The following MAGI2 variants were observed in gnomAD, a reference collection of about 807,000 sequenced individuals.
MAGI2 encodes membrane associated guanylate kinase, WW and PDZ domain containing 2, also known as membrane-associated guanylate kinase, WW and PDZ domain-containing protein 2.
A neutral mutation model predicts 133.3 loss-of-function variants in MAGI2; 35 were observed. The observed-to-expected ratio is 0.26, with a 90% CI of 0.20 to 0.35. MAGI2 has a LOEUF of 0.35. Among genes scored for constraint, MAGI2 ranks in the 10% least tolerant of loss-of-function variants. The pLI, the probability that MAGI2 is intolerant of heterozygous loss-of-function variation, is 1.00. For missense variants in MAGI2, 1,636 were observed against 1,863.4 expected (o/e 0.88, Z 2.25); for synonymous variants, 729 against 710.6 (o/e 1.03, Z -0.41).
chr7:78,249,314 A>G (rs1792135782), intron 10 of MAGI2, among the ~76,000 whole-genome samples: 1 of 152,144 alleles, frequency 6.6e-6, no homozygotes, highest in African/African-American at 2.4e-5. Context: ...AAGTTCCTCA[A>G]AATATTAAAA....
intron 2 of MAGI2, among the ~76,000 whole-genome samples, chr7:78,898,244 A>G (rs771351583): frequency 1.3e-5 from 2 of 152,224 alleles, no homozygotes; most frequent in Non-Finnish European, 2.9e-5. Flanking sequence ...GCAGGAGTAT[A>G]AATTAGTTCA....
At chr7:78,050,505 G>A (rs1811895582) in intron 21 of MAGI2, among the ~76,000 whole-genome samples, 2 of 152,194 alleles carry the variant, frequency 1.3e-5, no homozygotes, top group Admixed American at 6.5e-5. Flanking sequence ...TGCCTGGGAC[G>A]TCTGCTTTGA....
chr7:78,749,882 T>C (rs1823286273), intron 2 of MAGI2, among the ~76,000 whole-genome samples: 1 of 152,046 alleles, frequency 6.6e-6, no homozygotes, highest in Non-Finnish European at 1.5e-5. Context: ...AAGAAATACA[T>C]ATTGAGAATT....
chr7:78,352,192 G>A (rs1332806609), intron 7 of MAGI2, among the ~76,000 whole-genome samples: 1 of 152,148 alleles, frequency 6.6e-6, no homozygotes, highest in Non-Finnish European at 1.5e-5. Flanking sequence ...ATGGTTGATA[G>A]GGGAGGGACA....
At chr7:79,156,963 C>G (rs1380688507) in intron 1 of MAGI2, among the ~76,000 whole-genome samples, 1 of 152,070 alleles carries the variant, frequency 6.6e-6, no homozygotes, top group Non-Finnish European at 1.5e-5. Context: ...TCTGGTAGAA[C>G]TGCTAAGTCC....
intron 7 of MAGI2, among the ~76,000 whole-genome samples, chr7:78,362,807 TA>T (rs1430505403): frequency 5.3e-5 from 8 of 152,332 alleles, no homozygotes; most frequent in Non-Finnish European, 8.8e-5. Context: ...TTGTAAAGTA[TA>T]AAAATTGAAC....
chr7:79,324,608 A>T (rs1337999401), intron 1 of MAGI2, among the ~76,000 whole-genome samples: 1 of 38,796 alleles, frequency 2.6e-5, no homozygotes, highest in African/African-American at 8.4e-5. Flanking sequence ...ATATATATAA[A>T]AAATATATAT....
intron 16 of MAGI2, among the ~76,000 whole-genome samples, chr7:78,151,505 A>G (rs996258543): frequency 6.6e-6 from 1 of 152,268 alleles, no homozygotes. Flanking sequence ...TCGGAGAACA[A>G]GGGTTTTGCA....
At chr7:78,897,074 T>C (rs1253763732) in intron 2 of MAGI2, among the ~76,000 whole-genome samples, 5 of 152,210 alleles carry the variant, frequency 3.3e-5, no homozygotes, top group Non-Finnish European at 5.9e-5. Context: ...TAAATCATGA[T>C]ATAAGTGAGC....
intron 7 of MAGI2, among the ~76,000 whole-genome samples, chr7:78,349,138 A>G (rs1349594247): frequency 6.6e-6 from 1 of 152,166 alleles, no homozygotes. Context: ...TTAATGATTA[A>G]TTTTCATGCT....
chr7:79,186,732 T>C (rs1415929693), intron 1 of MAGI2, among the ~76,000 whole-genome samples: 1 of 129,132 alleles, frequency 7.7e-6, no homozygotes, highest in Non-Finnish European at 1.7e-5. Flanking sequence ...TACAAAAGTA[T>C]ATATATATTT....
intron 6 of MAGI2, among the ~76,000 whole-genome samples, chr7:78,474,033 T>A (rs922341002): frequency 6.6e-6 from 1 of 152,020 alleles, no homozygotes; most frequent in Non-Finnish European, 1.5e-5. Context: ...CTCTGACATA[T>A]ATCAGGTTAC....
intron 2 of MAGI2, among the ~76,000 whole-genome samples, chr7:78,988,442 C>G (rs186572533): frequency 1.3e-3 from 198 of 152,090 alleles, no homozygotes; most frequent in African/African-American, 4.7e-3. Context: ...ACTAAATCCA[C>G]CAAAATCCAG....
At chr7:78,084,619 T>C (rs1047506692) in intron 20 of MAGI2, among the ~76,000 whole-genome samples, 1 of 152,222 alleles carries the variant, frequency 6.6e-6, no homozygotes, top group Non-Finnish European at 1.5e-5. Context: ...GTGACCTACA[T>C]ACATTGGTAG....
chr7:79,135,885 G>C (rs890202333), intron 1 of MAGI2, among the ~76,000 whole-genome samples: 3 of 149,782 alleles, frequency 2.0e-5, no homozygotes, highest in Non-Finnish European at 4.4e-5. Flanking sequence ...AGGCTACAGG[G>C]AGCTGTAACG....
chr7:78,867,634 T>C (rs1794681397), intron 2 of MAGI2, among the ~76,000 whole-genome samples: 1 of 151,516 alleles, frequency 6.6e-6, no homozygotes, highest in South Asian at 2.1e-4. Context: ...TGGCAATGTA[T>C]ACATATGTAA....
chr7:78,244,123 A>G (rs1309874132), intron 10 of MAGI2, among the ~76,000 whole-genome samples: 1 of 142,438 alleles, frequency 7.0e-6, no homozygotes, highest in Non-Finnish European at 1.5e-5. Flanking sequence ...CAGGAGTTTG[A>G]GACCAGCCTG....
rs372338287 is a variant in MAGI2 at position 78,823,538 on chromosome 7, G to A, written c.418+183552C>T. 8.7e-5 allele frequency among the ~76,000 whole-genome samples: 12 copies of A among 138,154 alleles called. 2 individuals carry two copies. The highest frequency in any genetic ancestry group is 3.2e-4 in the Admixed American group (4 of 12,596). The allele number at this position is 138,154 out of a possible 152,430, so 90.6% of individuals were successfully genotyped here. A position where few individuals can be genotyped will look rare whatever the true frequency, so the allele number is the denominator to read the frequency against. ...GCGGAGCTTGCAGTGAGCCCGGATC[G>A]CGCCACTGCACTCCAGCCTGGGTGA... On this transcript the variant is annotated intron_variant, in intron 2 of 21. Coordinates refer to ENST00000354212, the MANE Select transcript of MAGI2 (RefSeq NM_012301.4).
At chr7:78,807,578 C>T (rs1405054428) in intron 2 of MAGI2, among the ~76,000 whole-genome samples, 1 of 152,078 alleles carries the variant, frequency 6.6e-6, no homozygotes, top group Non-Finnish European at 1.5e-5. Flanking sequence ...ATTAGTATTA[C>T]TGGCTAGTTA....
Sources: allele counts gnomAD v4.1 joint callset (sites outside exome capture counted in the v4.1 genomes callset), GRCh38; gene constraint gnomAD v4.1.1; transcripts MANE v1.5; gene names NCBI Gene and HGNC (gene_info 2026-07-23, HGNC 2026-07-21).